RBM17: variants seen among roughly 807,000 people sequenced by gnomAD.
RBM17 encodes the protein RNA binding motif protein 17.
Under a neutral mutation model 53.2 loss-of-function variants are expected in RBM17, and 7 were observed. The ratio of observed to expected loss-of-function variants is 0.13; its 90% CI spans 0.07 to 0.25. The LOEUF is 0.25. Ranked by LOEUF, RBM17 falls within the 10% of genes least tolerant of loss-of-function variation. The pLI is 1.00. For missense variants in RBM17, 257 were observed against 496.7 expected, an observed-to-expected ratio of 0.52 and a Z score of 4.59; for synonymous variants, 167 against 178.1, an observed-to-expected ratio of 0.94 and a Z score of 0.50.
At chr10:6,104,406 C>A (rs1270271333) in intron 3 of RBM17, among the ~76,000 whole-genome samples, 1 of 152,166 alleles carries the variant, frequency 6.6e-6, no homozygotes, top group Admixed American at 6.5e-5. Context: ...TGCAGCCTAC[C>A]TGGGAAGGGA....
At position 6,113,457 on chromosome 10, in the gene RBM17, A is replaced by T. The variant is rs562021427; in HGVS notation, c.857-51A>T. 238 of 1,235,954 alleles carry T rather than the reference A, an allele frequency of 1.9e-4. 1 individual carries two copies. The South Asian group carries it at 2.7e-3, about 14-fold the overall frequency. The allele number at this position is 1,235,954 out of a possible 1,614,324, so 76.6% of individuals were successfully genotyped here. A position where few individuals can be genotyped will look rare whatever the true frequency, so the allele number is the denominator to read the frequency against. ...AGGACTCAGTTCTGTAACACATCTA[A>T]TGATATGCTGCTCAGTTCTGTAACA... On this transcript the variant is annotated intron_variant, in intron 8 of 11. Coordinates refer to ENST00000379888, the MANE Select transcript of RBM17 (RefSeq NM_032905.5).
In RBM17 at chr10:6,116,381, G is replaced by A. The variant is rs1840917325; in HGVS notation, c.*825G>A. The A allele has an allele frequency of 6.6e-6, 1 of 152,348 alleles. No individual in the cohort carries two copies. The highest frequency in any genetic ancestry group is 1.5e-5 in the Non-Finnish European group (1 of 68,042). The allele number at this position is 152,348 out of a possible 1,614,324, so 9.4% of individuals were successfully genotyped here. On this transcript the variant is annotated 3_prime_UTR_variant, in exon 12 of 12. Coordinates refer to ENST00000379888, the MANE Select transcript of RBM17 (RefSeq NM_032905.5). ...GTTTCTACTGGCAAAATTTGCAATA[G>A]TGTTCTATTGTATGTAATTTTAAAA...
At position 6,112,185 on chromosome 10, in the gene RBM17, G is replaced by A. The variant is rs1425471477; in HGVS notation, c.705-25G>A. ...CCAGTTGACGATGTCAAGGCTAAGA[G>A]TCCTTTCCCTTCTTCTCCTGCCAGG... On this transcript the variant is annotated intron_variant, in intron 7 of 11. Transcript: ENST00000379888. This position sits in a 1 kb window ranked among gnomAD's most constrained non-coding sequence, Gnocchi z 4.4. 1.2e-6 allele frequency: 2 copies of A among 1,606,362 alleles called. No individual in the cohort carries two copies. The highest frequency in any genetic ancestry group is 2.7e-5 in the African/African-American group (2 of 74,858).
At position 6,112,158 on chromosome 10, in the gene RBM17, C is replaced by T; in HGVS notation, c.705-52C>T. The T allele has an allele frequency of 1.3e-6, 2 of 1,584,708 alleles. No homozygotes were observed. The highest frequency in any genetic ancestry group is 1.1e-5 in the South Asian group (1 of 88,950). Reference sequence around the variant, plus strand: ...GTTGTGATGGAAAAATGCAACCTATCTCCAGTTGACGATGTCAAGGCTAAG... The same window carrying T: ...GTTGTGATGGAAAAATGCAACCTATTTCCAGTTGACGATGTCAAGGCTAAG... On this transcript the variant is annotated intron_variant, in intron 7 of 11. Coordinates refer to ENST00000379888, the MANE Select transcript of RBM17 (RefSeq NM_032905.5). This position sits in a 1 kb window ranked among gnomAD's most constrained non-coding sequence, Gnocchi z 4.4.
At chr10:6,107,927 A>G (rs935307338) in intron 5 of RBM17, among the ~76,000 whole-genome samples, 1 of 152,130 alleles carries the variant, frequency 6.6e-6, no homozygotes, top group African/African-American at 2.4e-5. Flanking sequence ...CGTAATCCAT[A>G]TATGTTAGGA....
chr10:6,104,694 C>T lies in RBM17; in HGVS notation c.241-237C>T, dbSNP rs1840721027. Among the ~76,000 whole-genome samples, 5 of 152,152 alleles carry T rather than the reference C, an allele frequency of 3.3e-5. 1 individual carries two copies. Among genetic ancestry groups the T allele is most frequent in the Admixed American group, 3.3e-4 (5 of 15,262 alleles). On this transcript the variant is annotated intron_variant, in intron 3 of 11. Coordinates refer to ENST00000379888, the MANE Select transcript of RBM17 (RefSeq NM_032905.5). Reference sequence around the variant, plus strand: ...TATTTAGGAATTCCAGGAAAAATGCCATAGAGTATTATAGAAATAGTACTA... The same window carrying T: ...TATTTAGGAATTCCAGGAAAAATGCTATAGAGTATTATAGAAATAGTACTA...
At chr10:6,100,153 T>C (rs1840649791) in intron 2 of RBM17, among the ~76,000 whole-genome samples, 1 of 152,276 alleles carries the variant, frequency 6.6e-6, no homozygotes, top group Admixed American at 6.5e-5. Context: ...AAATTTTGTT[T>C]GCTTAAATTT....
rs148263630 is a variant in RBM17 at position 6,112,222 on chromosome 10, G to A, written c.717G>A (p.Ala239=). 2.6e-3 allele frequency: 4,173 copies of A among 1,612,306 alleles called. 13 individuals carry two copies. Among genetic ancestry groups the A allele is most frequent in the South Asian group, 4.8e-3 (433 of 91,042 alleles). ...CTTCTCCTGCCAGGGGCACGGTGGCGCACAAGATCATGCAGAAGTACGGCT... is the reference window on the plus strand; with the variant it reads ...CTTCTCCTGCCAGGGGCACGGTGGCACACAAGATCATGCAGAAGTACGGCT... ...SFLANMGGTV[A]HKIMQKYGFR... Residue 239 remains alanine (A), a synonymous_variant, in exon 8 of 12, where the codon GCG becomes GCA. Transcript: ENST00000379888. This position sits in a 1 kb window ranked among gnomAD's most constrained non-coding sequence, Gnocchi z 4.4.
intron 10 of RBM17, 54 bp from the exon 11 acceptor site, chr10:6,115,185 T>A: frequency 7.3e-7 from 1 of 1,378,084 alleles, no homozygotes. Context: ...AAGAGAAAAC[T>A]CATTCAATGC....
chr10:6,089,567 G>C lies in RBM17; in HGVS notation c.-19+374G>C, dbSNP rs1336443959. 2.0e-5 allele frequency: 3 copies of C among 152,792 alleles called. No homozygotes were observed. The highest frequency in any genetic ancestry group is 7.2e-5 in the African/African-American group (3 of 41,476). The allele number at this position is 152,792 out of a possible 1,614,324, so 9.5% of individuals were successfully genotyped here. ...GGTCACCAGAACCGAGTAGCCCGTA[G>C]CGTGTCCCCCCTGGCCCTGCACGGT... is the stretch of plus-strand genomic sequence containing the variant. On this transcript the variant is annotated intron_variant, in intron 1 of 11. Transcript: ENST00000379888. This position sits in a 1 kb window ranked among gnomAD's most constrained non-coding sequence, Gnocchi z 5.6.
intron 1 of RBM17, among the ~76,000 whole-genome samples, chr10:6,096,271 G>A (rs897827609): frequency 7.2e-5 from 11 of 152,058 alleles, no homozygotes; most frequent in African/African-American, 2.7e-4. Context: ...CTGTGGCCTT[G>A]GGCAGATTGA....
chr10:6,101,245 G>A (rs765084535), intron 2 of RBM17, 26 bp from the exon 3 acceptor site: 2 of 1,462,420 alleles, frequency 1.4e-6, no homozygotes, highest in Admixed American at 2.0e-5. Flanking sequence ...ACTTCAGTAT[G>A]TTTTCCTTGT....
intron 1 of RBM17, among the ~76,000 whole-genome samples, chr10:6,095,469 C>T (rs1280211150): frequency 6.6e-6 from 1 of 152,216 alleles, no homozygotes; most frequent in Non-Finnish European, 1.5e-5. Context: ...CCACCTATGC[C>T]TCCCAAAGTG....
chr10:6,094,971 G>A (rs1840550458), intron 1 of RBM17, among the ~76,000 whole-genome samples: 1 of 152,186 alleles, frequency 6.6e-6, no homozygotes, highest in Non-Finnish European at 1.5e-5. Flanking sequence ...GGTTTTCTTG[G>A]AGTTCAGAGT....
chr10:6,105,144 A>G lies in RBM17; in HGVS notation c.407+47A>G, dbSNP rs749395879. The G allele has an allele frequency of 3.2e-6, 5 of 1,575,334 alleles. No homozygotes were observed. In the African/African-American group the frequency reaches 4.1e-5, roughly 13 times the overall value. On this transcript the variant is annotated intron_variant, in intron 4 of 11. Transcript: ENST00000379888. The stretch of plus-strand genomic sequence containing the variant: ...GGGATATTTTACAGTTGAAATGTTC[A>G]TTAAAATGTTAACGAATGAGCGTCG...
At position 6,113,197 on chromosome 10, in the gene RBM17, C is replaced by T. The variant is rs571004943; in HGVS notation, c.857-311C>T. 136 of 235,990 alleles carry T rather than the reference C, an allele frequency of 5.8e-4. 1 individual carries two copies. The highest frequency in any genetic ancestry group is 9.5e-4 in the South Asian group (16 of 16,920). 14.6% of individuals were successfully genotyped at this position (235,990 alleles called of 1,614,324 possible). A position where few individuals can be genotyped will look rare whatever the true frequency, so the allele number is the denominator to read the frequency against. On this transcript the variant is annotated intron_variant, in intron 8 of 11. Coordinates refer to ENST00000379888, the MANE Select transcript of RBM17 (RefSeq NM_032905.5). ...TGAACGTTTGCTCCAAGTCAACTCA[C>T]CTATAGGAATTATCACTCACATGCC...
intron 1 of RBM17, among the ~76,000 whole-genome samples, chr10:6,093,968 ATTT>A (rs71390121): frequency 1.1e-5 from 1 of 93,256 alleles, no homozygotes. Context: ...CAAGTGTGGA[ATTT>A]TTTTTTTTTT....
At chr10:6,098,556 G>GGTTTTTT (rs1840613398) in intron 2 of RBM17, among the ~76,000 whole-genome samples, 16 of 87,978 alleles carry the variant, frequency 1.8e-4, no homozygotes, top group South Asian at 1.7e-3. Flanking sequence ...TAATACACAG[G>GGTTTTTT]TTTTTTGTTT....
chr10:6,106,229 A>G lies in RBM17; in HGVS notation c.496A>G (p.Arg166Gly). Residue 166 changes from arginine to glycine, a missense_variant, in exon 5 of 12, where the codon AGG becomes GGG. Arg to Gly is a moderately radical substitution (Grantham distance 125). This residue lies in a region of RBM17 where 127 missense variants were observed against 217.2 expected (regional missense o/e 0.58). Transcript: ENST00000379888. Reference protein sequence around the residue: ...DEDEDYERERRKRSMGGAAIA... With the variant: ...DEDEDYERERGKRSMGGAAIA... ...AGATGAAGATTATGAGCGAGAGAGG[A>G]GGAAAAGAAGTAAGGCATGAACAAA... 6.2e-7 allele frequency: 1 copy of G among 1,609,464 alleles called. No individual in the cohort carries two copies. The highest frequency in any genetic ancestry group is 8.5e-7 in the Non-Finnish European group (1 of 1,175,934).
Sources: allele counts gnomAD v4.1 joint callset (sites outside exome capture counted in the v4.1 genomes callset), GRCh38; gene constraint gnomAD v4.1.1; regional missense constraint gnomAD v4.1.1; non-coding constraint Gnocchi (gnomAD v3.1); transcripts MANE v1.5; gene names NCBI Gene and HGNC (gene_info 2026-07-23, HGNC 2026-07-21).